HPX: variants seen among roughly 807,000 people sequenced by gnomAD.
HPX encodes beta-1B-glycoprotein.
A neutral mutation model predicts 53.8 loss-of-function variants in HPX; 42 were observed. The ratio of observed to expected loss-of-function variants is 0.78; its 90% CI spans 0.61 to 1.01. HPX has a LOEUF of 1.01. Among genes scored for constraint, HPX ranks in the 50% least tolerant of loss-of-function variants. The pLI is 0.00. For missense variants in HPX, 547 were observed against 594.3 expected (o/e 0.92, Z 0.83); for synonymous variants, 229 against 221.1 (o/e 1.04, Z -0.32).
At chr11:6,434,493 C>T (rs1422462633) in intron 7 of HPX, among the ~76,000 whole-genome samples, 1 of 152,070 alleles carries the variant, frequency 6.6e-6, no homozygotes, top group Non-Finnish European at 1.5e-5. Context: ...CCACACCTGG[C>T]TAATTTTTTG....
rs370184276 is a variant in HPX at position 6,437,138 on chromosome 11, G to C, written c.743C>G (p.Thr248Ser). The C allele has an allele frequency of 1.6e-4, 265 of 1,613,892 alleles. 1 individual carries two copies. Among genetic ancestry groups the C allele is most frequent in the Non-Finnish European group, 1.6e-4 (189 of 1,179,894 alleles). Reference sequence around the variant, plus strand: ...GCGCATATACTCAGGGCCATGGTGGGTACTGTTCCCATGGCCAGTCCCATT... The same window carrying C: ...GCGCATATACTCAGGGCCATGGTGGCTACTGTTCCCATGGCCAGTCCCATT... ...HRNGTGHGNS[T>S]HHGPEYMRCS... Residue 248 changes from threonine to serine, a missense_variant, in exon 7 of 10, where the codon ACC becomes AGC. Coordinates refer to ENST00000265983, the MANE Select transcript of HPX (RefSeq NM_000613.3).
At chr11:6,438,145 C>T (rs117801081) in intron 5 of HPX, 7,790 of 604,118 alleles carry the variant, frequency 0.013, 69 homozygotes, top group Non-Finnish European at 0.018. Context: ...AGGGACTATT[C>T]ACACAGAATT....
In HPX at chr11:6,440,944, G is replaced by A; in HGVS notation, c.20C>T (p.Ala7Val). ...GCTCCACAACCCCAGTGCAACGGGT[G>A]CTCCCAGTACCCTAGCCATGCTGAG... is the stretch of plus-strand genomic sequence containing the variant. MARVLG[A>V]PVALGLWSLC... Residue 7 changes from alanine to valine, a missense_variant, in exon 1 of 10, where the codon GCA (alanine) becomes GTA (valine). Coordinates refer to ENST00000265983, the MANE Select transcript of HPX (RefSeq NM_000613.3). 1.9e-6 allele frequency: 3 copies of A among 1,607,704 alleles called. No homozygotes were observed. Among genetic ancestry groups the A allele is most frequent in the South Asian group, 1.1e-5 (1 of 90,098 alleles).
intron 7 of HPX, among the ~76,000 whole-genome samples, chr11:6,435,828 T>G (rs1240774563): frequency 6.6e-6 from 1 of 152,230 alleles, no homozygotes; most frequent in Non-Finnish European, 1.5e-5. Flanking sequence ...TACATGACAT[T>G]TTTCATTTAG....
In HPX at chr11:6,438,492, T is replaced by C. The variant is rs1590805713; in HGVS notation, c.354A>G (p.Val118=). Residue 118 remains valine, a synonymous_variant, in exon 5 of 10, where the codon GTA becomes GTG. Coordinates refer to ENST00000265983, the MANE Select transcript of HPX (RefSeq NM_000613.3). ...CTTTCTCCTTCTTTTCAGGAGGGTA[T>C]ACCCAGACTTTGTCCCCCTGCATTC... is the stretch of plus-strand genomic sequence containing the variant. The part of the protein sequence containing the change: ...VFLIKGDKVW[V]YPPEKKEKGY... 6.2e-7 allele frequency: 1 copy of C among 1,613,600 alleles called. No homozygotes were observed. The highest frequency in any genetic ancestry group is 8.5e-7 in the Non-Finnish European group (1 of 1,179,490).
intron 5 of HPX, 117 bp from the exon 6 acceptor site, chr11:6,437,769 T>C: frequency 1.3e-6 from 1 of 741,542 alleles, no homozygotes; most frequent in East Asian, 2.7e-5. Flanking sequence ...CTCACAGCCA[T>C]CAGAGAGATG....
Position 6,440,567 on chromosome 11 carries a change from T to TAAAAAAAAAAAAAAAAAAAAAA in HPX, c.143-51_143-30dup. ...GGGTGGAGGTAGGGAGATGGCAAAG[T>TAAAAAAAAAAAAAAAAAAAAAA]AAAAAAAAAAAAAAAAAAAAAAAAA... On this transcript the variant is annotated intron_variant, in intron 2 of 9. Transcript: ENST00000265983. 8.5e-6 allele frequency: 5 copies of TAAAAAAAAAAAAAAAAAAAAAA among 589,000 alleles called. 1 individual carries two copies. The highest frequency in any genetic ancestry group is 7.7e-5 in the East Asian group (2 of 26,074). 36.5% of individuals were successfully genotyped at this position (589,000 alleles called of 1,614,324 possible).
At position 6,438,413 on chromosome 11, in the gene HPX, C is replaced by T; in HGVS notation, c.433G>A (p.Ala145Thr). ...EFPGIPSPLD[A>T]AVECHRGECQ... ...TCTCCACGGTGACATTCCACAGCTG[C>T]ATCCAGTGGGGATGGGATTCCAGGA... is the stretch of plus-strand genomic sequence containing the variant. The change falls in exon 5 of 10, where the codon GCA (alanine) becomes ACA (threonine). Residue 145 changes from alanine to threonine, a missense_variant. Ala to Thr is a moderately conservative substitution (Grantham distance 58). Coordinates refer to ENST00000265983, the MANE Select transcript of HPX (RefSeq NM_000613.3). The T allele has an allele frequency of 3.7e-6, 6 of 1,614,094 alleles. No homozygotes were observed. The highest frequency in any genetic ancestry group is 2.2e-5 in the South Asian group (2 of 91,076).
chr11:6,438,076 G>C, intron 5 of HPX: 1 of 521,872 alleles, frequency 1.9e-6, no homozygotes, highest in South Asian at 2.6e-5. Context: ...TGGCCATGGA[G>C]AGACTTGTAT....
At chr11:6,431,570 C>T (rs888495888) in intron 9 of HPX, 71 bp downstream of exon 9, 25 of 1,606,824 alleles carry the variant, frequency 1.6e-5, no homozygotes, top group Non-Finnish European at 2.0e-5. Context: ...CCTTCTCATG[C>T]CCTGGTGGGG....
chr11:6,440,104 A>C (rs746916882), intron 4 of HPX, 61 bp downstream of exon 4: 48 of 1,609,266 alleles, frequency 3.0e-5, no homozygotes, highest in Non-Finnish European at 4.0e-5. Flanking sequence ...ATTTGGGGGA[A>C]GGGTCCCCAG....
At chr11:6,435,105 A>AC (rs199852857) in intron 7 of HPX, among the ~76,000 whole-genome samples, 1 of 151,814 alleles carries the variant, frequency 6.6e-6, no homozygotes, top group African/African-American at 2.4e-5. Context: ...GTACATTGTA[A>AC]CCCAAAAAAA....
In HPX at chr11:6,440,184, T is replaced by C. The variant is rs1236758895; in HGVS notation, c.317A>G (p.Asn106Ser). 6.2e-7 allele frequency: 1 copy of C among 1,614,100 alleles called. No individual in the cohort carries two copies. Among genetic ancestry groups the C allele is most frequent in the African/African-American group, 1.3e-5 (1 of 75,026 alleles). Residue 106 changes from asparagine to serine, a missense_variant, in exon 4 of 10, where the codon AAC becomes AGC. Physicochemically the swap from Asn to Ser is conservative, Grantham distance 46. Transcript: ENST00000265983. ...CAGTACCTTGATCAGAAAGACACTG[T>C]TGTGACCTTGACGGAATGCAGCATC... ...PVDAAFRQGH[N>S]SVFLIKGDKV...
At chr11:6,438,610 T>C (rs1849447723) in intron 4 of HPX, 101 bp from the exon 5 acceptor site, 1 of 1,022,194 alleles carries the variant, frequency 9.8e-7, no homozygotes. Flanking sequence ...GATATCCTCC[T>C]GTGGCCCTAC....
At chr11:6,438,019 A>C (rs1849438819) in intron 5 of HPX, 1 of 488,456 alleles carries the variant, frequency 2.0e-6, no homozygotes, top group African/African-American at 1.9e-5. Flanking sequence ...GCTTAGTGTT[A>C]AGGTAAAAGT....
chr11:6,440,032 G>A (rs1564956407), intron 4 of HPX, 133 bp downstream of exon 4: 1 of 1,178,174 alleles, frequency 8.5e-7, no homozygotes, highest in African/African-American at 1.5e-5. Context: ...AGCTTTTACA[G>A]GAAAGGAGGG....
chr11:6,432,609 T>C (rs1849364539), intron 7 of HPX, among the ~76,000 whole-genome samples: 1 of 152,208 alleles, frequency 6.6e-6, no homozygotes, highest in Non-Finnish European at 1.5e-5. Flanking sequence ...AGGTTGCTAG[T>C]ATTCTCCAAT....
In HPX at chr11:6,431,340, G is replaced by T; in HGVS notation, c.1260C>A (p.Ala420=). Residue 420 remains alanine, a synonymous_variant, in exon 10 of 10, where the codon GCC becomes GCA. Transcript: ENST00000265983. ...GGATGAGGTACAAGCCGGGACCATT[G>T]GCGGAACATGAGTTAGGGCCAAGGG... ...EKSLGPNSCS[A]NGPGLYLIHG... is the part of the protein sequence containing the mutation. 1 of 1,614,250 alleles carries T rather than the reference G, an allele frequency of 6.2e-7. No individual in the cohort carries two copies.
Position 6,431,948 on chromosome 11 carries a change from G to A in HPX, c.905C>T (p.Pro302Leu). Residue 302 changes from proline (P) to leucine (L), a missense_variant, in exon 8 of 10, where the codon CCC (proline) becomes CTC (leucine). Transcript: ENST00000265983. ...AGCATCCACTGCTGAAGGACCCTGG[G>A]GCCACTGATGAGCAATGGGCCAGCT... The part of the protein sequence containing the change: ...WHSWPIAHQW[P>L]QGPSAVDAAF... The A allele has an allele frequency of 6.2e-7, 1 of 1,614,194 alleles. No individual in the cohort carries two copies. Among genetic ancestry groups the A allele is most frequent in the Admixed American group, 1.7e-5 (1 of 60,026 alleles).
Sources: gnomAD v4.1 joint callset for allele counts (sites outside exome capture counted in the v4.1 genomes callset) on GRCh38, gnomAD v4.1.1 for gene constraint, MANE v1.5 for transcripts, NCBI Gene and HGNC (gene_info 2026-07-23, HGNC 2026-07-21) for gene names.